GRIK1: variants seen among roughly 807,000 people sequenced by gnomAD.
GRIK1 encodes the protein glutamate ionotropic receptor kainate type subunit 1, also known as glutamate receptor ionotropic, kainate 1.
In GRIK1, 69 loss-of-function variants were observed where a neutral mutation model predicts 105.7. The observed-to-expected ratio is 0.65, with a 90% confidence interval of 0.54 to 0.80. The LOEUF is 0.80. GRIK1 is among the 30% of genes least tolerant of loss of function. GRIK1 has a pLI of 0.00. For synonymous variants in GRIK1, 438 were observed against 431.3 expected, an observed-to-expected ratio of 1.02 and a Z score of -0.19; for missense variants, 1,109 against 1,167.3, an observed-to-expected ratio of 0.95 and a Z score of 0.73.
chr21:29,591,063 A>T, intron 10 of GRIK1, 49 bp downstream of exon 10: 1 of 996,150 alleles, frequency 1.0e-6, no homozygotes, highest in Non-Finnish European at 1.6e-6. Context: ...TTCGAAGTCT[A>T]AGGCAGGAGC....
At chr21:29,854,089 C>T (rs1307601141) in intron 1 of GRIK1, among the ~76,000 whole-genome samples, 3 of 152,070 alleles carry the variant, frequency 2.0e-5, no homozygotes, top group Non-Finnish European at 4.4e-5. Context: ...ATTTAGCTCA[C>T]GGTTCTGCAG....
At chr21:29,745,496 C>T (rs1177973342) in intron 1 of GRIK1, among the ~76,000 whole-genome samples, 2 of 152,178 alleles carry the variant, frequency 1.3e-5, no homozygotes, top group African/African-American at 4.8e-5. Flanking sequence ...GATAACTTAG[C>T]AATAGATTGC....
At chr21:29,852,811 C>T (rs1013885489) in intron 1 of GRIK1, among the ~76,000 whole-genome samples, 2 of 152,128 alleles carry the variant, frequency 1.3e-5, no homozygotes, top group African/African-American at 4.8e-5. Context: ...TACTACATTT[C>T]AAAGTTAGAT....
At chr21:29,721,965 A>G (rs1469420874) in intron 1 of GRIK1, among the ~76,000 whole-genome samples, 1 of 152,190 alleles carries the variant, frequency 6.6e-6, no homozygotes, top group Non-Finnish European at 1.5e-5. Context: ...TTGGAGAAAG[A>G]ATTTTTCCAC....
chr21:29,785,561 CAAAAAAAAA>C (rs950219193), intron 1 of GRIK1, among the ~76,000 whole-genome samples: 1 of 58,022 alleles, frequency 1.7e-5, no homozygotes, highest in African/African-American at 6.6e-5. Flanking sequence ...GAGACTGTCT[CAAAAAAAAA>C]AAAAAAAAAA....
At chr21:29,762,569 T>C (rs2065555066) in intron 1 of GRIK1, among the ~76,000 whole-genome samples, 1 of 152,208 alleles carries the variant, frequency 6.6e-6, no homozygotes, top group Admixed American at 6.5e-5. Flanking sequence ...TAAATAACTT[T>C]TCAGGGGCTC....
intron 5 of GRIK1, among the ~76,000 whole-genome samples, chr21:29,652,014 AT>A (rs1230185029): frequency 6.6e-6 from 1 of 152,188 alleles, no homozygotes; most frequent in African/African-American, 2.4e-5. Flanking sequence ...TAGAGTTTAG[AT>A]AAGTCAAGAG....
intron 4 of GRIK1, among the ~76,000 whole-genome samples, chr21:29,668,786 A>C (rs1188785630): frequency 6.6e-6 from 1 of 152,184 alleles, no homozygotes; most frequent in Non-Finnish European, 1.5e-5. Context: ...CTCCCTCAGT[A>C]AAATCACACT....
Position 29,694,195 on chromosome 21 carries a change from G to A in GRIK1, c.119-132C>T, listed in dbSNP as rs570175186. On this transcript the variant is annotated intron_variant, in intron 1 of 17. Transcript: ENST00000327783. ...ACTGGAGTGCAATGGCACGATCTCA[G>A]CTCACTGCAACCTCCGCCTCTGGGT... The A allele has an allele frequency of 2.6e-5, 16 of 610,840 alleles. No homozygotes were observed. The East Asian group carries it at 4.6e-4, about 18-fold the overall frequency. The allele number at this position is 610,840 out of a possible 1,614,324, so 37.8% of individuals were successfully genotyped here.
intron 1 of GRIK1, among the ~76,000 whole-genome samples, chr21:29,715,910 A>T (rs1199315826): frequency 1.3e-5 from 2 of 152,056 alleles, no homozygotes; most frequent in African/African-American, 2.4e-5. Flanking sequence ...TGGTTTGGCT[A>T]TGTCCCCACC....
intron 3 of GRIK1, among the ~76,000 whole-genome samples, chr21:29,685,805 G>C (rs1003132042): frequency 8.5e-5 from 13 of 152,176 alleles, no homozygotes. Context: ...CCTGACCCCC[G>C]GTATCCTACC....
intron 13 of GRIK1, among the ~76,000 whole-genome samples, chr21:29,580,003 ATATG>A (rs1475005729): frequency 6.8e-6 from 1 of 146,350 alleles, no homozygotes. Flanking sequence ...ATATGTATAT[ATATG>A]TATATATATG....
At chr21:29,869,348 C>T (rs2068932723) in intron 1 of GRIK1, among the ~76,000 whole-genome samples, 1 of 152,226 alleles carries the variant, frequency 6.6e-6, no homozygotes, top group South Asian at 2.1e-4. Context: ...GTGAGAAATG[C>T]CATCCAATAT....
intron 1 of GRIK1, among the ~76,000 whole-genome samples, chr21:29,833,055 T>C (rs1401481765): frequency 6.6e-6 from 1 of 152,202 alleles, no homozygotes; most frequent in Non-Finnish European, 1.5e-5. Flanking sequence ...ACTCTCTGGT[T>C]CAAAGTTCCA....
chr21:29,560,394 TTCCTTC>T lies in GRIK1; in HGVS notation c.2356+1224_2356+1229del, dbSNP rs1568814124. On this transcript the variant is annotated intron_variant, in intron 15 of 17. Transcript: ENST00000327783. Reference sequence around the variant, plus strand: ...CTTCCTTCCTTCCTTCCTTCCTTCCTTCCTTCCTTTCTTTCTTTCTTTCTTTCTTTC... The same window carrying T: ...CTTCCTTCCTTCCTTCCTTCCTTCCTCTTTCTTTCTTTCTTTCTTTCTTTC... Among the ~76,000 whole-genome samples the T allele has an allele frequency of 8.8e-3, 844 of 95,576 alleles. 158 individuals carry two copies. Among genetic ancestry groups the T allele is most frequent in the South Asian group, 0.016 (46 of 2,902 alleles). The allele number at this position is 95,576 out of a possible 152,430, so 62.7% of individuals were successfully genotyped here.
chr21:29,726,075 G>A (rs886929514), intron 1 of GRIK1, among the ~76,000 whole-genome samples: 7 of 152,020 alleles, frequency 4.6e-5, no homozygotes, highest in African/African-American at 1.4e-4. Flanking sequence ...TTTTGTGCTT[G>A]GTCTGCTTAA....
In GRIK1 at chr21:29,939,450, G is replaced by A; in HGVS notation, c.51C>T (p.Thr17=). The change falls in exon 1 of 18, where the codon ACC becomes ACT. Residue 17 remains threonine (T), a synonymous_variant. Coordinates refer to ENST00000327783, the MANE Select transcript of GRIK1 (RefSeq NM_001330994.2). ...AGAGGAAATAGAGGAGTGCCCAGCT[G>A]GTGTCCCTGGTCCAGAGCCCGGGCT... ...LAQPGLWTRD[T]SWALLYFLCY... is the part of the protein sequence containing the mutation. 6.2e-7 allele frequency: 1 copy of A among 1,601,924 alleles called. No homozygotes were observed. The highest frequency in any genetic ancestry group is 8.5e-7 in the Non-Finnish European group (1 of 1,174,030).
intron 1 of GRIK1, among the ~76,000 whole-genome samples, chr21:29,719,603 T>C (rs549037145): frequency 6.6e-5 from 10 of 152,338 alleles, no homozygotes; most frequent in Middle Eastern, 6.8e-3. Context: ...GAGATGATTT[T>C]TTTTTTCTCC....
intron 1 of GRIK1, among the ~76,000 whole-genome samples, chr21:29,782,203 C>G (rs2066137992): frequency 6.6e-6 from 1 of 151,680 alleles, no homozygotes; most frequent in South Asian, 2.1e-4. Flanking sequence ...TCTCCTGCCT[C>G]AGCCTCCCGA....
Sources: gnomAD v4.1 joint callset for allele counts (sites outside exome capture counted in the v4.1 genomes callset) on GRCh38, gnomAD v4.1.1 for gene constraint, MANE v1.5 for transcripts, NCBI Gene and HGNC (gene_info 2026-07-23, HGNC 2026-07-21) for gene names.